Variants in PCDH17 observed in about 807,000 individuals in gnomAD.
PCDH17 encodes protocadherin 17.
In PCDH17, 21 loss-of-function variants were observed where a neutral mutation model predicts 67.7. That is an observed-to-expected ratio of 0.31 (90% CI 0.22 to 0.45). The LOEUF (loss-of-function observed/expected upper bound fraction) is 0.45, where lower values mean the gene tolerates loss of function less well. Among genes scored for constraint, PCDH17 ranks in the 20% least tolerant of loss-of-function variants. The probability of loss-of-function intolerance (pLI) is 1.00; values close to 1 mark genes in which losing one functional copy is unlikely to be tolerated. For missense variants in PCDH17, 1,471 were observed against 1,564.8 expected (o/e 0.94, Z 1.01); for synonymous variants, 701 against 656.7 (o/e 1.07, Z -1.03).
At chr13:57,651,485 G>A (rs1234212745) in intron 1 of PCDH17, among the ~76,000 whole-genome samples, 2 of 149,112 alleles carry the variant, frequency 1.3e-5, no homozygotes, top group Non-Finnish European at 3.0e-5. Context: ...CTTCAGGCAT[G>A]TGCCACCAGG....
At chr13:57,681,634 C>G (rs1378939147) in intron 3 of PCDH17, among the ~76,000 whole-genome samples, 3 of 151,596 alleles carry the variant, frequency 2.0e-5, no homozygotes. Flanking sequence ...ACATTAACAC[C>G]ATTTAAAAAT....
chr13:57,642,422 T>C (rs956690042), intron 1 of PCDH17, among the ~76,000 whole-genome samples: 18 of 151,696 alleles, frequency 1.2e-4, no homozygotes, highest in African/African-American at 4.1e-4. Context: ...TATTGATACA[T>C]AATTTAGACA....
chr13:57,708,775 C>T (rs2138085905), intron 3 of PCDH17, among the ~76,000 whole-genome samples: 1 of 152,046 alleles, frequency 6.6e-6, no homozygotes, highest in East Asian at 1.9e-4. Context: ...GGTTGAATCT[C>T]AGAAAATGAG....
At chr13:57,670,695 A>C (rs565749055) in intron 3 of PCDH17, among the ~76,000 whole-genome samples, 2 of 151,708 alleles carry the variant, frequency 1.3e-5, no homozygotes, top group Non-Finnish European at 3.0e-5. Context: ...CACATTTTCA[A>C]TACTTTCTTT....
At chr13:57,702,231 G>A (rs7984442) in intron 3 of PCDH17, among the ~76,000 whole-genome samples, 124,265 of 152,010 alleles carry the variant, frequency 0.82, 51,309 homozygotes, top group African/African-American at 0.93. Context: ...TTTCTTTTTG[G>A]TACCAAAACG....
At chr13:57,658,317 T>C (rs1476513161) in intron 1 of PCDH17, among the ~76,000 whole-genome samples, 1 of 152,192 alleles carries the variant, frequency 6.6e-6, no homozygotes, top group Non-Finnish European at 1.5e-5. Flanking sequence ...TCTTTTTTTA[T>C]ATCTTCTATT....
rs146333612 is a variant in PCDH17, at chr13:57,728,517, TAAAAAAAAAA to T, written c.*3237_*3246del. On this transcript the variant is annotated 3_prime_UTR_variant, in exon 4 of 4. Coordinates refer to ENST00000377918, the MANE Select transcript of PCDH17 (RefSeq NM_001040429.3). The stretch of plus-strand genomic sequence containing the variant: ...TTCTAAAAATTGCTTGCAGATGAGC[TAAAAAAAAAA>T]AAAAAAAAAAAAAGCAACAAAATAA... 6 of 70,814 alleles carry T rather than the reference TAAAAAAAAAA, an allele frequency of 8.5e-5. 1 individual carries two copies. Among genetic ancestry groups the T allele is most frequent in the Admixed American group, 3.4e-4 (2 of 5,798 alleles). 4.4% of individuals were successfully genotyped at this position (70,814 alleles called of 1,614,324 possible). A position where few individuals can be genotyped will look rare whatever the true frequency, so the allele number is the denominator to read the frequency against.
At position 57,711,195 on chromosome 13, in the gene PCDH17, A is replaced by G. The variant is rs1043738622; in HGVS notation, c.2798-13417A>G. ...TATACATTATTTCATGTGTTCCTCAATATATTTCTGCCTTGATCTCACATC... is the reference window on the plus strand; with the variant it reads ...TATACATTATTTCATGTGTTCCTCAGTATATTTCTGCCTTGATCTCACATC... On this transcript the variant is annotated intron_variant, in intron 3 of 3. Coordinates refer to ENST00000377918, the MANE Select transcript of PCDH17 (RefSeq NM_001040429.3). 3.3e-5 allele frequency among the ~76,000 whole-genome samples: 5 copies of G among 151,920 alleles called. No individual in the cohort carries two copies. The South Asian group carries it at 6.2e-4, about 19-fold the overall frequency.
At chr13:57,683,512 T>G (rs1955477891) in intron 3 of PCDH17, among the ~76,000 whole-genome samples, 1 of 151,850 alleles carries the variant, frequency 6.6e-6, no homozygotes, top group South Asian at 2.1e-4. Flanking sequence ...TAGAAAAACT[T>G]AGGTTAGGTT....
At chr13:57,682,187 T>C (rs187993642) in intron 3 of PCDH17, among the ~76,000 whole-genome samples, 101 of 151,896 alleles carry the variant, frequency 6.6e-4, no homozygotes, top group Non-Finnish European at 1.2e-3. Context: ...ATTTACCTAG[T>C]CACTCCAGTT....
chr13:57,704,139 A>T (rs1955693612), intron 3 of PCDH17, among the ~76,000 whole-genome samples: 1 of 152,096 alleles, frequency 6.6e-6, no homozygotes, highest in East Asian at 1.9e-4. Context: ...ATAAGAATTC[A>T]GCTATATAGG....
At chr13:57,651,059 G>T in intron 1 of PCDH17, among the ~76,000 whole-genome samples, 1 of 152,004 alleles carries the variant, frequency 6.6e-6, no homozygotes, top group East Asian at 1.9e-4. Flanking sequence ...AAAGAGGATG[G>T]TCTTACAAAA....
chr13:57,686,787 C>A (rs1955511581), intron 3 of PCDH17, among the ~76,000 whole-genome samples: 1 of 151,928 alleles, frequency 6.6e-6, no homozygotes, highest in Admixed American at 6.6e-5. Context: ...TATTTGAATT[C>A]TCAAGGCAAA....
At chr13:57,717,680 G>A (rs902754141) in intron 3 of PCDH17, among the ~76,000 whole-genome samples, 2 of 151,952 alleles carry the variant, frequency 1.3e-5, no homozygotes, top group African/African-American at 4.8e-5. Flanking sequence ...TAGAGGATTG[G>A]TACTTCAAAG....
At chr13:57,664,336 C>T (rs1044037165) in intron 1 of PCDH17, among the ~76,000 whole-genome samples, 1 of 152,140 alleles carries the variant, frequency 6.6e-6, no homozygotes, top group Admixed American at 6.5e-5. Context: ...AATGCTCATG[C>T]ATAAATACAT....
chr13:57,633,506 C>T lies in PCDH17; in HGVS notation c.960C>T (p.Asp320=). The part of the protein sequence containing the change: ...DYEENGMLEI[D]VQARDLGPNP... The stretch of plus-strand genomic sequence containing the variant: ...AGGAAAACGGGATGCTGGAGATTGA[C>T]GTGCAGGCCCGAGACCTGGGGCCTA... Residue 320 remains aspartate (D), a synonymous_variant, in exon 1 of 4, where the codon GAC becomes GAT. Coordinates refer to ENST00000377918, the MANE Select transcript of PCDH17 (RefSeq NM_001040429.3). The surrounding 1 kb of genome is among the most constrained non-coding windows in gnomAD (Gnocchi z 6.2). 6.2e-7 allele frequency: 1 copy of T among 1,613,920 alleles called. No individual in the cohort carries two copies. The highest frequency in any genetic ancestry group is 8.5e-7 in the Non-Finnish European group (1 of 1,180,034).
chr13:57,713,800 A>G (rs1955797028), intron 3 of PCDH17, among the ~76,000 whole-genome samples: 2 of 151,744 alleles, frequency 1.3e-5, no homozygotes, highest in South Asian at 2.1e-4. Flanking sequence ...TTTTTGTTAT[A>G]TAAGTACCTG....
At chr13:57,693,478 T>A (rs1955579757) in intron 3 of PCDH17, among the ~76,000 whole-genome samples, 1 of 149,432 alleles carries the variant, frequency 6.7e-6, no homozygotes, top group East Asian at 2.0e-4. Context: ...TGCAGATAGG[T>A]TAGAGTGGAT....
intron 3 of PCDH17, among the ~76,000 whole-genome samples, chr13:57,714,703 C>A (rs1284026781): frequency 6.6e-6 from 1 of 151,650 alleles, no homozygotes; most frequent in Non-Finnish European, 1.5e-5. Flanking sequence ...CAGGTTCTTT[C>A]GGAAATTGCA....
Sources: allele counts gnomAD v4.1 joint callset (sites outside exome capture counted in the v4.1 genomes callset), GRCh38; gene constraint gnomAD v4.1.1; non-coding constraint Gnocchi (gnomAD v3.1); transcripts MANE v1.5; gene names NCBI Gene and HGNC (gene_info 2026-07-23, HGNC 2026-07-21).